Variants in PI4K2A observed in about 807,000 individuals in gnomAD.
The protein encoded by PI4K2A is phosphatidylinositol 4-kinase type 2 alpha.
PI4K2A carries 20 observed loss-of-function variants against 55.0 expected under a neutral mutation model. That is an observed-to-expected ratio of 0.36 (90% CI 0.26 to 0.53). The LOEUF (loss-of-function observed/expected upper bound fraction) is 0.53, where lower values mean the gene tolerates loss of function less well. PI4K2A is among the 20% of genes least tolerant of loss of function. The pLI, the probability that PI4K2A is intolerant of heterozygous loss-of-function variation, is 0.91. For synonymous variants in PI4K2A, 235 were observed against 258.5 expected (o/e 0.91, Z 0.87); for missense variants, 463 against 637.1 (o/e 0.73, Z 2.94).
intron 5 of PI4K2A, among the ~76,000 whole-genome samples, 163 bp from the exon 6 acceptor site, chr10:97,664,722 C>T (rs577862386): frequency 9.2e-5 from 14 of 152,286 alleles, no homozygotes; most frequent in African/African-American, 3.1e-4. Flanking sequence ...CCAAAATGTG[C>T]TAAGTTCAGA....
intron 1 of PI4K2A, among the ~76,000 whole-genome samples, chr10:97,642,924 CCTTT>C (rs199787458): frequency 0.026 from 2,995 of 113,142 alleles, 175 homozygotes; most frequent in East Asian, 0.088. Context: ...TTCCTTCCTT[CCTTT>C]CTTTCCTTTC....
In PI4K2A at chr10:97,655,550, A is replaced by G. The variant is rs569978013; in HGVS notation, c.637-735A>G. Among the ~76,000 whole-genome samples, 12 of 152,052 alleles carry G rather than the reference A, an allele frequency of 7.9e-5. No individual in the cohort carries two copies. In the East Asian group the frequency reaches 1.9e-3, roughly 25 times the overall value. ...AACAACCCTTAAATCTAAGTGGTTT[A>G]ATACAATTGGATTGTATTTCTTTTT... On this transcript the variant is annotated intron_variant, in intron 2 of 8. Coordinates refer to ENST00000370631, the Ensembl canonical transcript of PI4K2A.
chr10:97,673,596 C>G, exon 9 of PI4K2A: 3 of 1,614,080 alleles, frequency 1.9e-6, no homozygotes, highest in Non-Finnish European at 2.5e-6. Flanking sequence ...AAATCTGACC[C>G]AGGCCTTGAA....
intron 4 of PI4K2A, among the ~76,000 whole-genome samples, chr10:97,661,338 C>T (rs2041582619): frequency 6.6e-6 from 1 of 151,468 alleles, no homozygotes; most frequent in Admixed American, 6.6e-5. Context: ...TTTATAGCAT[C>T]CATAGATACC....
intron 4 of PI4K2A, among the ~76,000 whole-genome samples, chr10:97,661,007 T>C (rs971380835): frequency 3.3e-5 from 5 of 152,104 alleles, no homozygotes; most frequent in African/African-American, 4.8e-5. Flanking sequence ...TTTATATTTT[T>C]TGGAGACGGA....
At chr10:97,665,230 G>C (rs1317559545) in intron 6 of PI4K2A, among the ~76,000 whole-genome samples, 4 of 152,040 alleles carry the variant, frequency 2.6e-5, no homozygotes, top group Admixed American at 2.0e-4. Context: ...GAAGCATAAA[G>C]ATGAGTTTTC....
At chr10:97,640,904 C>T in exon 1 of PI4K2A, 1 of 1,310,148 alleles carries the variant, frequency 7.6e-7, no homozygotes, top group South Asian at 2.3e-5. Flanking sequence ...CGCCGGGCCA[C>T]GACCGCGAGC....
intron 1 of PI4K2A, among the ~76,000 whole-genome samples, chr10:97,648,428 C>T (rs2041515581): frequency 6.6e-6 from 1 of 152,150 alleles, no homozygotes; most frequent in South Asian, 2.1e-4. Context: ...ATTGCCCAAA[C>T]TGGTCTCAAA....
intron 8 of PI4K2A, among the ~76,000 whole-genome samples, chr10:97,668,166 GT>G (rs1439142755): frequency 6.6e-6 from 1 of 152,132 alleles, no homozygotes; most frequent in Non-Finnish European, 1.5e-5. Context: ...GGTGCAAACT[GT>G]GGTCACAGTG....
At chr10:97,651,097 C>T (rs749028880) in exon 2 of PI4K2A, 2 of 1,613,750 alleles carry the variant, frequency 1.2e-6, no homozygotes. Context: ...AGGGGCCAGC[C>T]TGGTGGACCA....
chr10:97,660,271 G>A (rs1257122100), intron 4 of PI4K2A, among the ~76,000 whole-genome samples: 4 of 145,482 alleles, frequency 2.7e-5, no homozygotes, highest in African/African-American at 1.0e-4. Flanking sequence ...AAAGTGCTGG[G>A]ATTACAGGCG....
intron 5 of PI4K2A, among the ~76,000 whole-genome samples, chr10:97,663,348 C>T (rs1488412719): frequency 6.6e-6 from 1 of 152,186 alleles, no homozygotes; most frequent in Non-Finnish European, 1.5e-5. Flanking sequence ...CGCAAGTCCA[C>T]AGAACATAAG....
exon 1 of PI4K2A, chr10:97,640,791 G>C: frequency 6.7e-7 from 1 of 1,492,306 alleles, no homozygotes; most frequent in Non-Finnish European, 8.9e-7. Flanking sequence ...CCAACCCCCG[G>C]ACTACACCTT....
intron 4 of PI4K2A, among the ~76,000 whole-genome samples, chr10:97,657,830 T>C (rs2041562717): frequency 9.4e-6 from 1 of 106,338 alleles, no homozygotes; most frequent in African/African-American, 3.2e-5. Flanking sequence ...ACCATCCATC[T>C]CCAGAGCTCT....
chr10:97,665,331 A>G (rs138112858), intron 6 of PI4K2A, among the ~76,000 whole-genome samples: 4,421 of 151,944 alleles, frequency 0.029, 181 homozygotes, highest in East Asian at 0.15. Flanking sequence ...CTAGAGTGCA[A>G]TGGTGCGATC....
chr10:97,659,945 G>A (rs1271908881), intron 4 of PI4K2A, among the ~76,000 whole-genome samples: 1 of 150,788 alleles, frequency 6.6e-6, no homozygotes, highest in Non-Finnish European at 1.5e-5. Flanking sequence ...CTCTCTTAGA[G>A]TATTGATTTT....
chr10:97,661,698 T>C (rs2041585099), intron 4 of PI4K2A, among the ~76,000 whole-genome samples: 1 of 152,094 alleles, frequency 6.6e-6, no homozygotes, highest in African/African-American at 2.4e-5. Flanking sequence ...AGGGAAAGTT[T>C]CACATCTTTT....
chr10:97,656,835 G>C lies in PI4K2A; in HGVS notation c.783G>C (p.Gln261His). The C allele has an allele frequency of 6.2e-7, 1 of 1,614,082 alleles. No individual in the cohort carries two copies. Among genetic ancestry groups the C allele is most frequent in the Non-Finnish European group, 8.5e-7 (1 of 1,180,002 alleles). The stretch of plus-strand genomic sequence containing the variant: ...CTTGGTTCCAGGTTGGTTCATTCCA[G>C]CTCTTTGTTGAAGGCTACAAAGATG... Residue 261 changes from glutamine (Q) to histidine (H), a missense_variant, in exon 4 of 9, where the codon CAG becomes CAC. By Grantham distance (24) the Gln-to-His change is conservative. This residue lies in a region of PI4K2A where 277 missense variants were observed against 432.6 expected (regional missense o/e 0.64). Coordinates refer to ENST00000370631, the Ensembl canonical transcript of PI4K2A. This position sits in a 1 kb window ranked among gnomAD's most constrained non-coding sequence, Gnocchi z 4.5.
chr10:97,656,305 G>C lies in PI4K2A; in HGVS notation c.657G>C (p.Glu219Asp). 6.2e-7 allele frequency: 1 copy of C among 1,613,842 alleles called. No homozygotes were observed. The highest frequency in any genetic ancestry group is 8.5e-7 in the Non-Finnish European group (1 of 1,179,742). The change falls in exon 3 of 9, where the codon GAG becomes GAC. Residue 219 changes from glutamate (E) to aspartate (D), a missense_variant. By Grantham distance (45) the Glu-to-Asp change is conservative. Around this residue, in one of 2 missense-constraint regions of PI4K2A, gnomAD observed 277 missense variants for 432.6 expected, o/e 0.64. Transcript: ENST00000370631. This position sits in a 1 kb window ranked among gnomAD's most constrained non-coding sequence, Gnocchi z 4.5. ...TGTAGGTAGTATACCTGGCCAGTGA[G>C]ACCTTCAACTATAGTGCCATTGACC...
Sources: allele counts gnomAD v4.1 joint callset (sites outside exome capture counted in the v4.1 genomes callset), GRCh38; gene constraint gnomAD v4.1.1; regional missense constraint gnomAD v4.1.1; non-coding constraint Gnocchi (gnomAD v3.1); transcripts MANE v1.5; gene names NCBI Gene and HGNC (gene_info 2026-07-23, HGNC 2026-07-21).